Variants in CGREF1 observed in about 807,000 individuals in gnomAD.
CGREF1 encodes the protein cell growth regulator with EF hand domain protein 1.
In CGREF1, 16 loss-of-function variants were observed where a neutral mutation model predicts 17.4. The observed-to-expected ratio is 0.92, with a 90% CI of 0.62 to 1.40. The LOEUF (loss-of-function observed/expected upper bound fraction) is 1.40. CGREF1 is among the 40% of genes most tolerant of loss of function. The probability of loss-of-function intolerance (pLI) is 0.00; values close to 1 mark genes in which losing one functional copy is unlikely to be tolerated. For synonymous variants in CGREF1, 142 were observed against 154.6 expected (o/e 0.92, Z 0.61); for missense variants, 296 against 376.4 (o/e 0.79, Z 1.77).
chr2:27,101,103 A>C lies in CGREF1; in HGVS notation c.*171T>G. 1.5e-6 allele frequency: 2 copies of C among 1,373,034 alleles called. No individual in the cohort carries two copies. Among genetic ancestry groups the C allele is most frequent in the African/African-American group, 1.5e-5 (1 of 67,970 alleles). 85.1% of individuals were successfully genotyped at this position (1,373,034 alleles called of 1,614,324 possible). A position where few individuals can be genotyped will look rare whatever the true frequency, so the allele number is the denominator to read the frequency against. On this transcript the variant is annotated 3_prime_UTR_variant, in exon 6 of 6. Transcript: ENST00000402394. ...TGAATTCATTCAGTTCTTTATTGGT[A>C]ATCTGCCCCTTAACTTAGGGTCTCC...
chr2:27,099,883 G>A (rs1670700246), downstream of CGREF1: 6 of 1,546,252 alleles, frequency 3.9e-6, no homozygotes, highest in Non-Finnish European at 5.2e-6. Flanking sequence ...GACTCTGCCT[G>A]TGTCCTGTGT....
rs537034394 is a variant in CGREF1 at position 27,109,576 on chromosome 2, G to A, written c.-11-5199C>T. Among the ~76,000 whole-genome samples, 31 of 152,130 alleles carry A rather than the reference G, an allele frequency of 2.0e-4. 1 individual carries two copies. The highest frequency in any genetic ancestry group is 3.4e-3 in the Middle Eastern group (1 of 294). On this transcript the variant is annotated intron_variant, in intron 1 of 5. Coordinates refer to ENST00000402394, the MANE Select transcript of CGREF1 (RefSeq NM_006569.6). Reference sequence around the variant, plus strand: ...TGTTTGGGAAGAGAGTGGACATATTGATGAACTTTGTTAAATATGCATGTT... The same window carrying A: ...TGTTTGGGAAGAGAGTGGACATATTAATGAACTTTGTTAAATATGCATGTT...
At chr2:27,104,136 G>C (rs1343036016) in intron 2 of CGREF1, 151 bp downstream of exon 2, 1 of 766,410 alleles carries the variant, frequency 1.3e-6, no homozygotes, top group African/African-American at 1.8e-5. Flanking sequence ...ACTCTGACAG[G>C]CACAAGATGG....
intron 1 of CGREF1, among the ~76,000 whole-genome samples, chr2:27,114,235 C>T (rs767685122): frequency 2.6e-5 from 4 of 152,138 alleles, no homozygotes; most frequent in Admixed American, 6.5e-5. Flanking sequence ...CCTCGTGATC[C>T]GCCTGCCTCA....
intron 1 of CGREF1, among the ~76,000 whole-genome samples, chr2:27,116,973 C>T (rs530784861): frequency 1.3e-4 from 19 of 148,988 alleles, no homozygotes; most frequent in Non-Finnish European, 2.2e-4. Flanking sequence ...AGTGCAGTGG[C>T]GCAAAATCTA....
At chr2:27,116,906 TCTCTCTCTCTCTCTCTC>T (rs755952456) in intron 1 of CGREF1, among the ~76,000 whole-genome samples, 5,516 of 132,354 alleles carry the variant, frequency 0.042, 231 homozygotes, top group Middle Eastern at 0.068. Context: ...TCTCTCTCTC[TCTCTCTCTCTCTCTCTC>T]TTTTTTTGAG....
At chr2:27,109,902 A>G (rs1317452674) in intron 1 of CGREF1, among the ~76,000 whole-genome samples, 7 of 146,008 alleles carry the variant, frequency 4.8e-5, no homozygotes, top group South Asian at 2.2e-4. Flanking sequence ...AAAAAAAAAA[A>G]AAAAAAAAAG....
chr2:27,104,778 T>C (rs1419668889), intron 1 of CGREF1: 25 of 1,472,412 alleles, frequency 1.7e-5, no homozygotes, highest in Admixed American at 7.9e-5. Context: ...AAAGGCCAGG[T>C]AAGAAACGCA....
At chr2:27,104,710 C>T (rs1436120315) in intron 1 of CGREF1, 2 of 1,546,964 alleles carry the variant, frequency 1.3e-6, no homozygotes, top group African/African-American at 1.4e-5. Context: ...GCAAGCATAT[C>T]TGACCTCCTT....
At chr2:27,107,933 C>CAAAA (rs143132359) in intron 1 of CGREF1, among the ~76,000 whole-genome samples, 7 of 95,644 alleles carry the variant, frequency 7.3e-5, no homozygotes, top group Admixed American at 1.3e-4. Context: ...GACTCTGTCT[C>CAAAA]AAAAAAAAAA....
chr2:27,116,851 G>A (rs1213021724), intron 1 of CGREF1, among the ~76,000 whole-genome samples: 3 of 122,012 alleles, frequency 2.5e-5, no homozygotes, highest in African/African-American at 8.5e-5. Flanking sequence ...TTACAGGGAT[G>A]AGCCACCAGG....
At position 27,101,218 on chromosome 2, in the gene CGREF1, C is replaced by CT; in HGVS notation, c.*55dup. The CT allele has an allele frequency of 3.3e-6, 5 of 1,517,508 alleles. No individual in the cohort carries two copies. In the South Asian group the frequency reaches 4.0e-5, roughly 12 times the overall value. 94.0% of individuals were successfully genotyped at this position (1,517,508 alleles called of 1,614,324 possible). A position where few individuals can be genotyped will look rare whatever the true frequency, so the allele number is the denominator to read the frequency against. ...TCCCAGCGTACATTTCCCCTGCCCACTTCAGGGCTTATGTTCTGGCACTGA... is the reference window on the plus strand; with the variant it reads ...TCCCAGCGTACATTTCCCCTGCCCACTTTCAGGGCTTATGTTCTGGCACTGA... On this transcript the variant is annotated 3_prime_UTR_variant, in exon 6 of 6. Transcript: ENST00000402394.
At chr2:27,106,280 A>C (rs768022625) in intron 1 of CGREF1, among the ~76,000 whole-genome samples, 1 of 152,260 alleles carries the variant, frequency 6.6e-6, no homozygotes, top group Non-Finnish European at 1.5e-5. Flanking sequence ...TGAAAACAGT[A>C]ATCTGGGGGA....
At chr2:27,111,596 G>C (rs1345017236) in intron 1 of CGREF1, among the ~76,000 whole-genome samples, 1 of 152,218 alleles carries the variant, frequency 6.6e-6, no homozygotes, top group Non-Finnish European at 1.5e-5. Flanking sequence ...GGGCCGTGCA[G>C]GAGCCCACGG....
rs540313455 is a variant in CGREF1, at chr2:27,102,134, A to G, written c.305T>C (p.Leu102Pro). The G allele has an allele frequency of 1.2e-6, 2 of 1,611,500 alleles. No homozygotes were observed. Among genetic ancestry groups the G allele is most frequent in the East Asian group, 2.2e-5 (1 of 44,760 alleles). Residue 102 changes from leucine (L) to proline (P), a missense_variant, in exon 5 of 6, where the codon CTG (leucine) becomes CCG (proline). Transcript: ENST00000402394. Reference sequence around the variant, plus strand: ...AGGAGAGTTGGCAGCTCCAGGGGCCAGAGCAGCTGTCAACATGGACAGCAG... The same window carrying G: ...AGGAGAGTTGGCAGCTCCAGGGGCCGGAGCAGCTGTCAACATGGACAGCAG... ...LELLSMLTAA[L>P]APGAANSPTT...
chr2:27,109,281 A>C (rs1205668580), intron 1 of CGREF1, among the ~76,000 whole-genome samples: 1 of 151,568 alleles, frequency 6.6e-6, no homozygotes, highest in African/African-American at 2.4e-5. Flanking sequence ...CTGAGGTGGT[A>C]GGATCGCTTG....
Position 27,100,996 on chromosome 2 carries a change from C to CAT in CGREF1, c.*276_*277dup, listed in dbSNP as rs1670789098. The CAT allele has an allele frequency of 8.0e-7, 1 of 1,244,408 alleles. No individual in the cohort carries two copies. Among genetic ancestry groups the CAT allele is most frequent in the Non-Finnish European group, 1.0e-6 (1 of 994,048 alleles). 77.1% of individuals were successfully genotyped at this position (1,244,408 alleles called of 1,614,324 possible). ...AGGCCCAGAAACACTGGGCAGGCGG[C>CAT]ATCCCTGTCCTTTCGGTCCCCAACC... On this transcript the variant is annotated 3_prime_UTR_variant, in exon 6 of 6. Transcript: ENST00000402394.
chr2:27,106,161 G>A (rs964590528), intron 1 of CGREF1, among the ~76,000 whole-genome samples: 3 of 152,216 alleles, frequency 2.0e-5, no homozygotes, highest in African/African-American at 7.2e-5. Context: ...TTCTGGGAGT[G>A]TAATAGTAAA....
rs1671435093 is a variant in CGREF1, at chr2:27,112,699, G to A, written c.-12+6147C>T. Among the ~76,000 whole-genome samples the A allele has an allele frequency of 2.0e-5, 3 of 152,264 alleles. No homozygotes were observed. The South Asian group carries it at 6.2e-4, about 32-fold the overall frequency. ...AGCAACCTGAATGTCTAACATTTAG[G>A]CAATGGCTGAACAAACCATATTATG... On this transcript the variant is annotated intron_variant, in intron 1 of 5. Transcript: ENST00000402394.
Sources: gnomAD v4.1 joint callset for allele counts (sites outside exome capture counted in the v4.1 genomes callset) on GRCh38, gnomAD v4.1.1 for gene constraint, MANE v1.5 for transcripts, NCBI Gene and HGNC (gene_info 2026-07-23, HGNC 2026-07-21) for gene names.